Variants in RETREG1 observed in about 807,000 individuals in gnomAD.
RETREG1 encodes family with sequence similarity 134 member B.
A neutral mutation model predicts 54.8 loss-of-function variants in RETREG1; 44 were observed. That is an observed-to-expected ratio of 0.80 (90% CI 0.63 to 1.03). RETREG1 has a LOEUF of 1.03. RETREG1 is among the 50% of genes least tolerant of loss of function. The probability of loss-of-function intolerance (pLI) is 0.00; values close to 1 mark genes in which losing one functional copy is unlikely to be tolerated. For missense variants in RETREG1, 554 were observed against 605.1 expected, an observed-to-expected ratio of 0.92 and a Z score of 0.89; for synonymous variants, 217 against 238.5, an observed-to-expected ratio of 0.91 and a Z score of 0.83.
At chr5:16,477,569 G>T in intron 8 of RETREG1, 93 bp downstream of exon 8, 1 of 1,194,432 alleles carries the variant, frequency 8.4e-7, no homozygotes, top group Non-Finnish European at 1.2e-6. Context: ...AGATATGGTG[G>T]TAACATGTTA....
rs566298779 is a variant in RETREG1 at position 16,496,781 on chromosome 5, C to G, written c.459-13309G>C. ...TTGAGAATAAACACAACTGACTCAG[C>G]AAGCACACAACTCAAATGGTAGAAG... On this transcript the variant is annotated intron_variant, in intron 3 of 8. Transcript: ENST00000306320. Among the ~76,000 whole-genome samples, 9 of 152,310 alleles carry G rather than the reference C, an allele frequency of 5.9e-5. No individual in the cohort carries two copies. In the South Asian group the frequency reaches 1.9e-3, roughly 32 times the overall value.
At chr5:16,591,269 G>A (rs903293382) in intron 1 of RETREG1, among the ~76,000 whole-genome samples, 12 of 152,084 alleles carry the variant, frequency 7.9e-5, no homozygotes, top group Non-Finnish European at 1.5e-4. Context: ...AATAGGAGAA[G>A]AATACAAACT....
At chr5:16,576,545 G>C (rs1180082171) in intron 1 of RETREG1, among the ~76,000 whole-genome samples, 1 of 152,078 alleles carries the variant, frequency 6.6e-6, no homozygotes, top group Non-Finnish European at 1.5e-5. Context: ...GAGTGCAATG[G>C]CACGATCTCG....
Position 16,547,036 on chromosome 5 carries a change from C to T in RETREG1, c.458+18727G>A, listed in dbSNP as rs528185498. ...CCTTTTCCCCATGTTCTGACATCAA[C>T]GGAAATACAACAAAATCTTGACACA... On this transcript the variant is annotated intron_variant, in intron 3 of 8. Transcript: ENST00000306320. Among the ~76,000 whole-genome samples, 10 of 152,300 alleles carry T rather than the reference C, an allele frequency of 6.6e-5. No homozygotes were observed. The East Asian group carries it at 7.7e-4, about 12-fold the overall frequency.
intron 1 of RETREG1, among the ~76,000 whole-genome samples, chr5:16,601,937 G>A (rs1467844279): frequency 1.3e-5 from 2 of 152,158 alleles, no homozygotes; most frequent in Admixed American, 1.3e-4. Context: ...CACTGGAAGC[G>A]AGCAAGGAGA....
chr5:16,549,434 A>T lies in RETREG1; in HGVS notation c.458+16329T>A, dbSNP rs79725400. Among the ~76,000 whole-genome samples, 1,420 of 152,304 alleles carry T rather than the reference A, an allele frequency of 9.3e-3. 67 individuals carry two copies. The highest frequency in any genetic ancestry group is 0.073 in the Admixed American group (1,118 of 15,302). ...TATTTATTGAACCGCTCATATATTA[A>T]TATAAGTAAAACTGTGGAGAAAGGT... is the stretch of plus-strand genomic sequence containing the variant. On this transcript the variant is annotated intron_variant, in intron 3 of 8. Coordinates refer to ENST00000306320, the MANE Select transcript of RETREG1 (RefSeq NM_001034850.3).
chr5:16,517,186 T>G (rs1396185884), intron 3 of RETREG1, among the ~76,000 whole-genome samples: 2 of 152,162 alleles, frequency 1.3e-5, no homozygotes, highest in African/African-American at 2.4e-5. Flanking sequence ...AAGATATATC[T>G]AATAGGAGTC....
chr5:16,513,818 C>T (rs553950646), intron 3 of RETREG1, among the ~76,000 whole-genome samples: 1 of 152,288 alleles, frequency 6.6e-6, no homozygotes, highest in South Asian at 2.1e-4. Context: ...GACTGAAACC[C>T]CTGTTCTCAA....
rs756661076 is a variant in RETREG1, at chr5:16,572,140, G to A, written c.321-38C>T. On this transcript the variant is annotated intron_variant, in intron 1 of 8. Coordinates refer to ENST00000306320, the MANE Select transcript of RETREG1 (RefSeq NM_001034850.3). ...AACACAAATCAGTATTTCAATTTGAGGATTTTTAACCTTTTCAAAATTGGG... is the reference window on the plus strand; with the variant it reads ...AACACAAATCAGTATTTCAATTTGAAGATTTTTAACCTTTTCAAAATTGGG... The A allele has an allele frequency of 3.3e-6, 5 of 1,497,164 alleles. No homozygotes were observed. In the Admixed American group the frequency reaches 5.0e-5, roughly 15 times the overall value. 92.7% of individuals were successfully genotyped at this position (1,497,164 alleles called of 1,614,324 possible).
At chr5:16,608,749 C>T (rs533408142) in intron 1 of RETREG1, among the ~76,000 whole-genome samples, 12 of 152,234 alleles carry the variant, frequency 7.9e-5, no homozygotes, top group East Asian at 5.8e-4. Flanking sequence ...ACTACTCAGA[C>T]GGAACAAAGA....
chr5:16,478,399 G>C (rs1230080026), intron 6 of RETREG1, among the ~76,000 whole-genome samples: 2 of 152,144 alleles, frequency 1.3e-5, no homozygotes, highest in African/African-American at 4.8e-5. Context: ...TACTGAATCA[G>C]AAACTCTGGG....
intron 3 of RETREG1, among the ~76,000 whole-genome samples, chr5:16,534,533 A>T (rs1299460117): frequency 6.6e-6 from 1 of 152,168 alleles, no homozygotes; most frequent in East Asian, 1.9e-4. Flanking sequence ...AGAGATTACC[A>T]TGCTTATTTC....
chr5:16,514,480 T>A (rs1416583385), intron 3 of RETREG1, among the ~76,000 whole-genome samples: 1 of 152,214 alleles, frequency 6.6e-6, no homozygotes, highest in Non-Finnish European at 1.5e-5. Context: ...TCCGTGTTAT[T>A]TTTCCATTCA....
At chr5:16,541,826 TAGAA>T (rs1339353759) in intron 3 of RETREG1, among the ~76,000 whole-genome samples, 2 of 147,984 alleles carry the variant, frequency 1.4e-5, no homozygotes, top group African/African-American at 2.5e-5. Context: ...GTAGGTCAGA[TAGAA>T]AGAAATAACA....
intron 3 of RETREG1, among the ~76,000 whole-genome samples, chr5:16,489,199 A>AAAT (rs202037661): frequency 0.015 from 2,286 of 152,236 alleles, 60 homozygotes; most frequent in African/African-American, 0.051. Flanking sequence ...GTTATGAACA[A>AAAT]AATAACTCAG....
chr5:16,513,084 G>T (rs1740232925), intron 3 of RETREG1, among the ~76,000 whole-genome samples: 1 of 152,170 alleles, frequency 6.6e-6, no homozygotes, highest in Non-Finnish European at 1.5e-5. Context: ...GAGCAGATTG[G>T]TTCAGAAGTC....
chr5:16,509,544 A>C (rs1371144888), intron 3 of RETREG1: 1 of 152,102 alleles, frequency 6.6e-6, no homozygotes, highest in Non-Finnish European at 1.5e-5. Context: ...ATCCCTTCAA[A>C]TCTTGCTCTC....
Position 16,491,282 on chromosome 5 carries a change from G to A in RETREG1, c.459-7810C>T, listed in dbSNP as rs555037556. On this transcript the variant is annotated intron_variant, in intron 3 of 8. Transcript: ENST00000306320. ...GATCTCCTGGTTACCGACCACGACC[G>A]TCGCATCTGGTAACGTTCTTTCAGG... Among the ~76,000 whole-genome samples, 60 of 152,282 alleles carry A rather than the reference G, an allele frequency of 3.9e-4. 1 individual carries two copies. The highest frequency in any genetic ancestry group is 1.4e-3 in the African/African-American group (57 of 41,556).
chr5:16,521,595 G>A (rs932794199), intron 3 of RETREG1, among the ~76,000 whole-genome samples: 9 of 152,216 alleles, frequency 5.9e-5, no homozygotes, highest in Non-Finnish European at 1.0e-4. Flanking sequence ...ACACACCATA[G>A]AGACAGAGGT....
Sources: allele counts gnomAD v4.1 joint callset (sites outside exome capture counted in the v4.1 genomes callset), GRCh38; gene constraint gnomAD v4.1.1; transcripts MANE v1.5; gene names NCBI Gene and HGNC (gene_info 2026-07-23, HGNC 2026-07-21).